The following CHST9 variants were observed in gnomAD, a reference collection of about 807,000 sequenced individuals.
CHST9 encodes GalNAc-4-sulfotransferase 2.
Under a neutral mutation model 44.4 loss-of-function variants are expected in CHST9, and 41 were observed. The ratio of observed to expected loss-of-function variants is 0.92; its 90% CI spans 0.72 to 1.20. The LOEUF (loss-of-function observed/expected upper bound fraction) is 1.20. Ranked by LOEUF, CHST9 falls within the 50% of genes most tolerant of loss-of-function variation. The pLI is 0.00. For synonymous variants in CHST9, 171 were observed against 178.4 expected (o/e 0.96, Z 0.33); for missense variants, 504 against 516.5 (o/e 0.98, Z 0.23).
chr18:27,036,099 C>T (rs1231282519), intron 3 of CHST9, among the ~76,000 whole-genome samples: 4 of 152,108 alleles, frequency 2.6e-5, no homozygotes, highest in Non-Finnish European at 5.9e-5. Flanking sequence ...CAAAAGTACA[C>T]ACCCTTTTTC....
At chr18:26,966,635 G>A (rs140038479) in intron 4 of CHST9, among the ~76,000 whole-genome samples, 254 of 152,258 alleles carry the variant, frequency 1.7e-3, no homozygotes, top group Middle Eastern at 6.8e-3. Flanking sequence ...TGTTTAGAAT[G>A]GTTGGACCTT....
intron 5 of CHST9, among the ~76,000 whole-genome samples, chr18:26,927,206 C>A (rs1165216393): frequency 6.6e-6 from 1 of 152,042 alleles, no homozygotes; most frequent in Non-Finnish European, 1.5e-5. Context: ...GTTGCAATTT[C>A]AAAATGTCAA....
intron 1 of CHST9, among the ~76,000 whole-genome samples, chr18:27,175,905 G>A (rs972718283): frequency 1.3e-5 from 2 of 152,034 alleles, no homozygotes; most frequent in Non-Finnish European, 2.9e-5. Flanking sequence ...ACATAAATGT[G>A]TATATACTTA....
chr18:27,048,241 A>G (rs926653343), intron 3 of CHST9, among the ~76,000 whole-genome samples: 2 of 152,156 alleles, frequency 1.3e-5, no homozygotes, highest in Non-Finnish European at 2.9e-5. Context: ...CAACATTCCC[A>G]TCTCATTTTC....
chr18:27,098,028 A>G (rs1235265883), intron 2 of CHST9, among the ~76,000 whole-genome samples: 1 of 151,910 alleles, frequency 6.6e-6, no homozygotes, highest in Non-Finnish European at 1.5e-5. Context: ...CAGGCAACCT[A>G]CAGAATGGGA....
chr18:27,053,276 GAAGGA>G (rs1568151295), intron 2 of CHST9, among the ~76,000 whole-genome samples: 38 of 130,058 alleles, frequency 2.9e-4, no homozygotes, highest in African/African-American at 1.1e-3. Flanking sequence ...AGGAGAAGGA[GAAGGA>G]GAAGGAGAAG....
intron 2 of CHST9, among the ~76,000 whole-genome samples, chr18:27,087,762 T>A (rs2058027038): frequency 6.6e-6 from 1 of 152,206 alleles, no homozygotes; most frequent in Non-Finnish European, 1.5e-5. Flanking sequence ...ATTAGTGGGC[T>A]AACTTCCAGA....
intron 5 of CHST9, among the ~76,000 whole-genome samples, chr18:26,922,050 T>G (rs1301384496): frequency 6.6e-6 from 1 of 152,222 alleles, no homozygotes; most frequent in African/African-American, 2.4e-5. Context: ...AAACATTTTG[T>G]TTTTTATTTC....
At chr18:27,069,307 T>A (rs962617927) in intron 2 of CHST9, among the ~76,000 whole-genome samples, 1 of 152,222 alleles carries the variant, frequency 6.6e-6, no homozygotes, top group East Asian at 1.9e-4. Context: ...AGTTCCTTAA[T>A]ATAATTTTGC....
intron 4 of CHST9, among the ~76,000 whole-genome samples, chr18:26,948,130 A>C (rs2056192040): frequency 1.3e-5 from 2 of 152,176 alleles, no homozygotes; most frequent in African/African-American, 4.8e-5. Flanking sequence ...CATCATTCTC[A>C]GCAAACTAAC....
At chr18:26,918,465 C>G (rs1249486908) in intron 5 of CHST9, among the ~76,000 whole-genome samples, 1 of 151,690 alleles carries the variant, frequency 6.6e-6, no homozygotes, top group African/African-American at 2.4e-5. Flanking sequence ...GGAATATAAA[C>G]ATGATTGCAA....
intron 3 of CHST9, among the ~76,000 whole-genome samples, chr18:27,047,377 T>C (rs2057513773): frequency 6.9e-6 from 1 of 144,068 alleles, no homozygotes; most frequent in Non-Finnish European, 1.5e-5. Flanking sequence ...GACACTTTCT[T>C]GCCTTCATAA....
chr18:27,101,435 CA>C (rs1426860222), intron 2 of CHST9, among the ~76,000 whole-genome samples: 1 of 120,730 alleles, frequency 8.3e-6, no homozygotes, highest in South Asian at 2.7e-4. Context: ...ACTAAAAATA[CA>C]AAAAAAATTA....
intron 1 of CHST9, among the ~76,000 whole-genome samples, chr18:27,165,565 G>C (rs2058783503): frequency 6.6e-6 from 1 of 152,110 alleles, no homozygotes; most frequent in Admixed American, 6.6e-5. Flanking sequence ...AGAGACAAAA[G>C]TAAGCACCAA....
At chr18:27,053,098 A>AAAG (rs1249020997) in intron 2 of CHST9, among the ~76,000 whole-genome samples, 1 of 142,848 alleles carries the variant, frequency 7.0e-6, no homozygotes, top group Non-Finnish European at 1.5e-5. Context: ...AAGAAGAAGA[A>AAAG]AAGAAGAAGA....
intron 3 of CHST9, among the ~76,000 whole-genome samples, chr18:27,042,410 T>C (rs1052892416): frequency 2.0e-5 from 3 of 152,192 alleles, no homozygotes; most frequent in East Asian, 3.9e-4. Flanking sequence ...AATCTCCATG[T>C]GTAAATACTC....
chr18:26,934,062 G>A (rs557693555), intron 5 of CHST9, among the ~76,000 whole-genome samples: 1 of 152,288 alleles, frequency 6.6e-6, no homozygotes, highest in South Asian at 2.1e-4. Context: ...AGAGGGCAAG[G>A]CTGTTGTGGT....
intron 2 of CHST9, among the ~76,000 whole-genome samples, chr18:27,060,907 A>T (rs1444935683): frequency 6.6e-6 from 1 of 152,228 alleles, no homozygotes; most frequent in Non-Finnish European, 1.5e-5. Context: ...GATTACAGGC[A>T]TGTGCCATCA....
chr18:26,936,349 T>C (rs1298336002), intron 5 of CHST9: 1 of 151,642 alleles, frequency 6.6e-6, no homozygotes, highest in African/African-American at 2.4e-5. Context: ...ATAGCATGGA[T>C]AAAATGGTTT....
Sources: gnomAD v4.1 joint callset for allele counts (sites outside exome capture counted in the v4.1 genomes callset) on GRCh38, gnomAD v4.1.1 for gene constraint, MANE v1.5 for transcripts, NCBI Gene and HGNC (gene_info 2026-07-23, HGNC 2026-07-21) for gene names.